ENO2: variants seen among roughly 807,000 people sequenced by gnomAD.
ENO2 encodes enolase 2, also known as gamma-enolase.
In ENO2, 19 loss-of-function variants were observed where a neutral mutation model predicts 48.7. The ratio of observed to expected loss-of-function variants is 0.39; its 90% CI spans 0.27 to 0.57. ENO2 has a LOEUF of 0.57. Ranked by LOEUF, ENO2 falls within the 20% of genes least tolerant of loss-of-function variation. The pLI is 0.58. For missense variants in ENO2, 416 were observed against 555.0 expected (o/e 0.75, Z 2.52); for synonymous variants, 198 against 213.4 (o/e 0.93, Z 0.63).
intron 7 of ENO2, 91 bp downstream of exon 7, chr12:6,918,253 C>A: frequency 7.4e-7 from 1 of 1,350,394 alleles, no homozygotes; most frequent in South Asian, 1.3e-5. Context: ...CCTGAGTAGG[C>A]GTGGAGGGTC....
intron 6 of ENO2, 108 bp downstream of exon 6, chr12:6,917,822 G>A: frequency 6.3e-7 from 1 of 1,587,030 alleles, no homozygotes; most frequent in Non-Finnish European, 8.6e-7. Flanking sequence ...TAAAGAGGAA[G>A]GATGGGGACG....
At chr12:6,918,264 C>T (rs1945309779) in intron 7 of ENO2, 102 bp downstream of exon 7, 1 of 1,225,952 alleles carries the variant, frequency 8.2e-7, no homozygotes, top group South Asian at 1.5e-5. Flanking sequence ...GTGGAGGGTC[C>T]TAGGACTCTG....
At position 6,916,944 on chromosome 12, in the gene ENO2, T is replaced by C. The variant is rs1945297006; in HGVS notation, c.241-94T>C. On this transcript the variant is annotated intron_variant, in intron 4 of 11. Coordinates refer to ENST00000229277, the MANE Select transcript of ENO2 (RefSeq NM_001975.3). The surrounding 1 kb of genome is among the most constrained non-coding windows in gnomAD (Gnocchi z 4.5). ...CTGTCACAGGGACCTGGTTGGACCC[T>C]GGCCAAATGTGAGCTTGGGTGTGAA... 14 of 1,567,900 alleles carry C rather than the reference T, an allele frequency of 8.9e-6. No individual in the cohort carries two copies. Among genetic ancestry groups the C allele is most frequent in the Non-Finnish European group, 1.0e-5 (12 of 1,143,614 alleles).
At chr12:6,917,253 G>A in intron 5 of ENO2, 146 bp downstream of exon 5, 3 of 1,012,130 alleles carry the variant, frequency 3.0e-6, no homozygotes, top group Middle Eastern at 2.1e-4. Flanking sequence ...AAGGGGAGAT[G>A]AGTTTAGCTG....
chr12:6,915,371 AG>A (rs1274421497), intron 1 of ENO2: 1 of 185,802 alleles, frequency 5.4e-6, no homozygotes, highest in Non-Finnish European at 1.2e-5. Flanking sequence ...TGGGGTGTTA[AG>A]TTGGGGAGGT....
At chr12:6,920,848 A>G (rs1292400019) in intron 8 of ENO2, among the ~76,000 whole-genome samples, 1 of 147,412 alleles carries the variant, frequency 6.8e-6, no homozygotes, top group Non-Finnish European at 1.5e-5. Flanking sequence ...GGCATGAGCC[A>G]CTGTGCCCAG....
chr12:6,915,756 T>G, intron 1 of ENO2, 65 bp from the exon 2 acceptor site: 3 of 565,098 alleles, frequency 5.3e-6, no homozygotes, highest in Admixed American at 2.3e-5. Flanking sequence ...GCCCCGCCCA[T>G]TGATCTCAGG....
rs781995250 is a variant in ENO2, at chr12:6,916,545, C to T, written c.181+33C>T. On this transcript the variant is annotated intron_variant, in intron 3 of 11. Coordinates refer to ENST00000229277, the MANE Select transcript of ENO2 (RefSeq NM_001975.3). The surrounding 1 kb of genome is among the most constrained non-coding windows in gnomAD (Gnocchi z 4.5). Reference sequence around the variant, plus strand: ...CCCTTCTCTTTTCCAGACTCTCCCCCACCTCAGCCTTATGCCCCTACCTCA... The same window carrying T: ...CCCTTCTCTTTTCCAGACTCTCCCCTACCTCAGCCTTATGCCCCTACCTCA... The T allele has an allele frequency of 1.9e-5, 31 of 1,613,006 alleles. No individual in the cohort carries two copies. In the African/African-American group the frequency reaches 2.8e-4, roughly 15 times the overall value.
rs1214604241 is a variant in ENO2, at chr12:6,916,882, C to T, written c.240+153C>T. The T allele has an allele frequency of 1.0e-5, 14 of 1,383,114 alleles. No homozygotes were observed. Among genetic ancestry groups the T allele is most frequent in the Middle Eastern group, 1.8e-4 (1 of 5,518 alleles). The allele number at this position is 1,383,114 out of a possible 1,614,324, so 85.7% of individuals were successfully genotyped here. A position where few individuals can be genotyped will look rare whatever the true frequency, so the allele number is the denominator to read the frequency against. ...AACAGCTTCCTTAATGCACCCTGCTCCCATGGGAGTTCAGGTCCCCTAATC... is the reference window on the plus strand; with the variant it reads ...AACAGCTTCCTTAATGCACCCTGCTTCCATGGGAGTTCAGGTCCCCTAATC... On this transcript the variant is annotated intron_variant, in intron 4 of 11. Coordinates refer to ENST00000229277, the MANE Select transcript of ENO2 (RefSeq NM_001975.3). This position sits in a 1 kb window ranked among gnomAD's most constrained non-coding sequence, Gnocchi z 4.5.
Position 6,922,521 on chromosome 12 carries a change from C to A in ENO2, c.1235+119C>A, listed in dbSNP as rs1307519580. ...GTCCATTTCCTGGATAACAGTCCAACAGATAATATTGGTTTTTGCTTCCTG... is the reference window on the plus strand; with the variant it reads ...GTCCATTTCCTGGATAACAGTCCAAAAGATAATATTGGTTTTTGCTTCCTG... On this transcript the variant is annotated intron_variant, in intron 11 of 11. Transcript: ENST00000229277. This position sits in a 1 kb window ranked among gnomAD's most constrained non-coding sequence, Gnocchi z 5.3. 1.0e-5 allele frequency: 14 copies of A among 1,402,932 alleles called. No individual in the cohort carries two copies. The highest frequency in any genetic ancestry group is 1.2e-5 in the Non-Finnish European group (12 of 994,922). The allele number at this position is 1,402,932 out of a possible 1,614,324, so 86.9% of individuals were successfully genotyped here.
Position 6,917,103 on chromosome 12 carries a change from C to T in ENO2, c.306C>T (p.Asn102=), listed in dbSNP as rs368918497. ...TGCTGGAGTTGGATGGGACTGAGAA[C>T]AAATGTGAGCCGGGGCCGGGAGAAA... ...NLMLELDGTE[N]KSKFGANAIL... The change falls in exon 5 of 12, where the codon AAC becomes AAT. Residue 102 remains asparagine (N), a synonymous_variant. Transcript: ENST00000229277. 10 of 1,613,886 alleles carry T rather than the reference C, an allele frequency of 6.2e-6. No individual in the cohort carries two copies. In the African/African-American group the frequency reaches 6.7e-5, roughly 11 times the overall value.
rs1945323443 is a variant in ENO2, at chr12:6,919,771, G to A, written c.865+8G>A. ...TTGTCAGGGACTATCCTGGTGAGAG[G>A]AAGTGGTGTGAGGGGGAGGTCTGGG... On this transcript the variant is annotated splice_region_variant and intron_variant, in intron 8 of 11. Transcript: ENST00000229277. The A allele has an allele frequency of 1.2e-6, 2 of 1,612,706 alleles. No individual in the cohort carries two copies. Among genetic ancestry groups the A allele is most frequent in the African/African-American group, 1.3e-5 (1 of 74,978 alleles).
chr12:6,915,745 C>T (rs1409673803), intron 1 of ENO2, 76 bp from the exon 2 acceptor site: 5 of 1,047,066 alleles, frequency 4.8e-6, no homozygotes, highest in Middle Eastern at 4.7e-4. Context: ...CCCAGCCTCC[C>T]GCCCCGCCCA....
intron 8 of ENO2, among the ~76,000 whole-genome samples, chr12:6,921,161 G>A (rs782653268): frequency 3.0e-4 from 45 of 152,226 alleles, no homozygotes; most frequent in African/African-American, 9.4e-4. Flanking sequence ...TTGGGAAGCC[G>A]AGGCAGGAGG....
Position 6,921,591 on chromosome 12 carries a change from T to C in ENO2, c.876T>C (p.Ile292=). Residue 292 remains isoleucine, a synonymous_variant, in exon 9 of 12, where the codon ATT becomes ATC. Coordinates refer to ENST00000229277, the MANE Select transcript of ENO2 (RefSeq NM_001975.3). Reference sequence around the variant, plus strand: ...ATGCTCTCTCTGCAGTGGTCTCCATTGAGGACCCATTTGACCAGGATGATT... The same window carrying C: ...ATGCTCTCTCTGCAGTGGTCTCCATCGAGGACCCATTTGACCAGGATGATT... ...DFVRDYPVVS[I]EDPFDQDDWA... 6.2e-7 allele frequency: 1 copy of C among 1,614,034 alleles called. No individual in the cohort carries two copies. The highest frequency in any genetic ancestry group is 1.7e-5 in the Admixed American group (1 of 60,008).
chr12:6,918,526 A>G (rs1945312446), intron 7 of ENO2, among the ~76,000 whole-genome samples: 1 of 150,360 alleles, frequency 6.7e-6, no homozygotes, highest in Non-Finnish European at 1.5e-5. Flanking sequence ...AATTTTTTGT[A>G]TTTTTTAGTA....
In ENO2 at chr12:6,923,299, T is replaced by C. The variant is rs1945359673; in HGVS notation, c.*499T>C. The stretch of plus-strand genomic sequence containing the variant: ...AATAAGGCTTTAGTGTATTTATTTA[T>C]TTATTTATTTTATTTGTTTTTCATT... On this transcript the variant is annotated 3_prime_UTR_variant, in exon 12 of 12. Transcript: ENST00000229277. The C allele has an allele frequency of 6.6e-6, 1 of 151,710 alleles. No individual in the cohort carries two copies. Among genetic ancestry groups the C allele is most frequent in the Non-Finnish European group, 1.5e-5 (1 of 68,152 alleles). 9.4% of individuals were successfully genotyped at this position (151,710 alleles called of 1,614,324 possible). A position where few individuals can be genotyped will look rare whatever the true frequency, so the allele number is the denominator to read the frequency against.
At chr12:6,917,394 T>G (rs782232803) in intron 5 of ENO2, 187 bp from the exon 6 acceptor site, 1 of 837,668 alleles carries the variant, frequency 1.2e-6, no homozygotes, top group African/African-American at 1.7e-5. Context: ...GTTTCCAATC[T>G]CCTCCTCCCC....
rs1365584088 is a variant in ENO2, at chr12:6,922,904, G to A, written c.*104G>A. 7.3e-7 allele frequency: 1 copy of A among 1,373,630 alleles called. No individual in the cohort carries two copies. Among genetic ancestry groups the A allele is most frequent in the Non-Finnish European group, 1.0e-6 (1 of 976,164 alleles). The allele number at this position is 1,373,630 out of a possible 1,614,324, so 85.1% of individuals were successfully genotyped here. A position where few individuals can be genotyped will look rare whatever the true frequency, so the allele number is the denominator to read the frequency against. On this transcript the variant is annotated 3_prime_UTR_variant, in exon 12 of 12. Coordinates refer to ENST00000229277, the MANE Select transcript of ENO2 (RefSeq NM_001975.3). The surrounding 1 kb of genome is among the most constrained non-coding windows in gnomAD (Gnocchi z 5.3). The stretch of plus-strand genomic sequence containing the variant: ...CCCCTGAGATCCCCTGAGCCCCAGG[G>A]TGCCCAGAACTTCCCTGATTGACCT...
Sources: gnomAD v4.1 joint callset for allele counts (sites outside exome capture counted in the v4.1 genomes callset) on GRCh38, gnomAD v4.1.1 for gene constraint, Gnocchi (gnomAD v3.1) non-coding constraint, MANE v1.5 for transcripts, NCBI Gene and HGNC (gene_info 2026-07-23, HGNC 2026-07-21) for gene names.